FRYL: variants seen among roughly 807,000 people sequenced by gnomAD.
FRYL encodes the protein protein furry homolog-like.
Under a neutral mutation model 351.2 loss-of-function variants are expected in FRYL, and 150 were observed. The observed-to-expected ratio is 0.43, with a 90% confidence interval of 0.37 to 0.49. FRYL has a LOEUF of 0.49. Ranked by LOEUF, FRYL falls within the 20% of genes least tolerant of loss-of-function variation. The pLI is 0.00. For synonymous variants in FRYL, 1,153 were observed against 1,257.1 expected, an observed-to-expected ratio of 0.92 and a Z score of 1.75; for missense variants, 3,036 against 3,619.3, an observed-to-expected ratio of 0.84 and a Z score of 4.13.
chr4:48,563,045 T>C (rs1412633388), intron 31 of FRYL, 57 bp from the exon 32 acceptor site: 1 of 1,080,356 alleles, frequency 9.3e-7, no homozygotes, highest in Non-Finnish European at 1.4e-6. Flanking sequence ...TTTTGCACCA[T>C]TTAATAAATA....
At chr4:48,541,723 A>C (rs1730201406) in intron 45 of FRYL, among the ~76,000 whole-genome samples, 1 of 152,176 alleles carries the variant, frequency 6.6e-6, no homozygotes, top group Non-Finnish European at 1.5e-5. Flanking sequence ...GAAAGGTGGG[A>C]GAGCCTTAAG....
intron 3 of FRYL, among the ~76,000 whole-genome samples, chr4:48,644,633 T>C (rs1355069934): frequency 6.6e-6 from 1 of 151,514 alleles, no homozygotes; most frequent in Non-Finnish European, 1.5e-5. Flanking sequence ...AAATATACTA[T>C]ACTCAAAAAC....
intron 3 of FRYL, among the ~76,000 whole-genome samples, chr4:48,667,131 A>G (rs542735387): frequency 2.0e-4 from 31 of 152,290 alleles, no homozygotes; most frequent in African/African-American, 7.0e-4. Flanking sequence ...TCAGATTAAT[A>G]AATTTTATTA....
chr4:48,687,496 G>T (rs1359024633), intron 2 of FRYL, among the ~76,000 whole-genome samples: 1 of 53,026 alleles, frequency 1.9e-5, no homozygotes, highest in Non-Finnish European at 4.7e-5. Flanking sequence ...TGAGGTCGGG[G>T]GGGGGGGGGG....
chr4:48,528,413 C>G, intron 50 of FRYL, 77 bp from the exon 51 acceptor site: 1 of 1,065,760 alleles, frequency 9.4e-7, no homozygotes, highest in Non-Finnish European at 1.3e-6. Flanking sequence ...AACAGTGCAC[C>G]TATAATATTT....
intron 3 of FRYL, among the ~76,000 whole-genome samples, chr4:48,676,571 T>G (rs1217439930): frequency 6.6e-6 from 1 of 151,918 alleles, no homozygotes; most frequent in Admixed American, 6.6e-5. Flanking sequence ...TTTTGTATTT[T>G]TATTAGAGAC....
intron 57 of FRYL, among the ~76,000 whole-genome samples, chr4:48,511,931 C>A (rs561666799): frequency 6.6e-6 from 1 of 152,166 alleles, no homozygotes; most frequent in South Asian, 2.1e-4. Flanking sequence ...TGCTGAAAAT[C>A]AAATCTACAT....
At chr4:48,614,971 C>T (rs1267750160) in intron 7 of FRYL, among the ~76,000 whole-genome samples, 1 of 151,026 alleles carries the variant, frequency 6.6e-6, no homozygotes, top group Non-Finnish European at 1.5e-5. Flanking sequence ...GGACTACAGG[C>T]GCCCGCCAAC....
Position 48,579,103 on chromosome 4 carries a change from G to T in FRYL, c.2398C>A (p.Pro800Thr). 1 of 1,613,994 alleles carries T rather than the reference G, an allele frequency of 6.2e-7. No homozygotes were observed. Among genetic ancestry groups the T allele is most frequent in the African/African-American group, 1.3e-5 (1 of 75,022 alleles). Residue 800 changes from proline (P) to threonine (T), a missense_variant, in exon 23 of 64, where the codon CCA (proline) becomes ACA (threonine). Physicochemically the swap from Pro to Thr is conservative, Grantham distance 38. Around this residue, in one of 7 missense-constraint regions of FRYL, gnomAD observed 492 missense variants for 551.5 expected, o/e 0.89. Coordinates refer to ENST00000358350, the MANE Select transcript of FRYL (RefSeq NM_015030.2). Reference sequence around the variant, plus strand: ...AAACTGGAGAGACTTATAATCCATGGGTCTTGGCCTTGGGTCACATGTGCA... The same window carrying T: ...AAACTGGAGAGACTTATAATCCATGTGTCTTGGCCTTGGGTCACATGTGCA... ...IFAHVTQGQD[P>T]WIISLSSFLK...
chr4:48,549,045 C>T lies in FRYL; in HGVS notation c.4785-252G>A, dbSNP rs998877235. ...TTTTCTTCATCTTTCAACCTTGAGA[C>T]TTAGCACACTGCTTGCCACAGTAGG... On this transcript the variant is annotated intron_variant, in intron 39 of 63. Transcript: ENST00000358350. The surrounding 1 kb of genome is among the most constrained non-coding windows in gnomAD (Gnocchi z 4.2). Among the ~76,000 whole-genome samples the T allele has an allele frequency of 1.3e-5, 2 of 152,148 alleles. No individual in the cohort carries two copies. The highest frequency in any genetic ancestry group is 2.9e-5 in the Non-Finnish European group (2 of 68,030).
At chr4:48,569,890 G>T (rs1737873292) in intron 27 of FRYL, among the ~76,000 whole-genome samples, 2 of 152,240 alleles carry the variant, frequency 1.3e-5, no homozygotes, top group African/African-American at 4.8e-5. Flanking sequence ...AAGGCTCACT[G>T]TAACCTCAAT....
At position 48,587,480 on chromosome 4, in the gene FRYL, TAATAA is replaced by T. The variant is rs1245984866; in HGVS notation, c.1641-757_1641-753del. On this transcript the variant is annotated intron_variant, in intron 18 of 63. Transcript: ENST00000358350. ...CATCTAAATTGTTCTTCAGTTGGCC[TAATAA>T]AATAATCCTTATGTAGAAAAGAATT... Among the ~76,000 whole-genome samples the T allele has an allele frequency of 5.3e-5, 8 of 152,178 alleles. No individual in the cohort carries two copies. In the South Asian group the frequency reaches 1.4e-3, roughly 28 times the overall value.
chr4:48,548,842 C>G, intron 39 of FRYL, 49 bp from the exon 40 acceptor site: 1 of 1,067,776 alleles, frequency 9.4e-7, no homozygotes, highest in Non-Finnish European at 1.4e-6. Context: ...CTCAGTAAAC[C>G]TAGAGAGAAT....
intron 1 of FRYL, among the ~76,000 whole-genome samples, chr4:48,742,376 T>C (rs1476896482): frequency 6.6e-6 from 1 of 152,126 alleles, no homozygotes; most frequent in African/African-American, 2.4e-5. Flanking sequence ...GGACATCACA[T>C]TGTGTAAGTT....
At chr4:48,734,834 C>T (rs1771132463) in intron 1 of FRYL, among the ~76,000 whole-genome samples, 1 of 152,032 alleles carries the variant, frequency 6.6e-6, no homozygotes, top group South Asian at 2.1e-4. Flanking sequence ...TCAGGTTTGT[C>T]AAAGATCAGA....
intron 62 of FRYL, 97 bp downstream of exon 62, chr4:48,501,526 A>C (rs1719656188): frequency 1.4e-6 from 1 of 733,566 alleles, no homozygotes; most frequent in Admixed American, 2.3e-5. Flanking sequence ...ACTCACTCTA[A>C]GTGACTTTTG....
rs572399524 is a variant in FRYL at position 48,683,356 on chromosome 4, C to A, written c.-81+1317G>T. Among the ~76,000 whole-genome samples the A allele has an allele frequency of 4.6e-5, 7 of 150,578 alleles. No individual in the cohort carries two copies. The South Asian group carries it at 1.5e-3, about 32-fold the overall frequency. On this transcript the variant is annotated intron_variant, in intron 3 of 63. Transcript: ENST00000358350. ...ATGGGTGCAGCAAACCATTATGGCA[C>A]GTGTATACCTATGTAACAAACCTGC...
At chr4:48,674,694 T>C (rs1763270305) in intron 3 of FRYL, among the ~76,000 whole-genome samples, 1 of 117,570 alleles carries the variant, frequency 8.5e-6, no homozygotes, top group African/African-American at 3.4e-5. Flanking sequence ...CCAAGATCGC[T>C]CCACTGCACT....
intron 7 of FRYL, among the ~76,000 whole-genome samples, chr4:48,616,374 C>T (rs192617102): frequency 2.0e-5 from 3 of 152,252 alleles, no homozygotes; most frequent in Admixed American, 2.0e-4. Context: ...AACATTTCTT[C>T]ACCTGTAAAG....
Sources: allele counts gnomAD v4.1 joint callset (sites outside exome capture counted in the v4.1 genomes callset), GRCh38; gene constraint gnomAD v4.1.1; regional missense constraint gnomAD v4.1.1; non-coding constraint Gnocchi (gnomAD v3.1); transcripts MANE v1.5; gene names NCBI Gene and HGNC (gene_info 2026-07-23, HGNC 2026-07-21).